Variants in CCDC61 observed in about 807,000 individuals in gnomAD.
CCDC61 encodes the protein coiled-coil domain containing 61.
In CCDC61, 55 loss-of-function variants were observed where a neutral mutation model predicts 63.0. That is an observed-to-expected ratio of 0.87 (90% CI 0.70 to 1.09). The LOEUF is 1.09. CCDC61 is among the 50% of genes least tolerant of loss of function. The pLI, the probability that CCDC61 is intolerant of heterozygous loss-of-function variation, is 0.00. For missense variants in CCDC61, 651 were observed against 731.4 expected (o/e 0.89, Z 1.27); for synonymous variants, 270 against 317.0 (o/e 0.85, Z 1.58).
At chr19:46,017,372 G>T in intron 12 of CCDC61, 68 bp downstream of exon 12, 1 of 1,448,874 alleles carries the variant, frequency 6.9e-7, no homozygotes. Flanking sequence ...TCCTTCCTGG[G>T]GATCAGGTGC....
chr19:46,007,688 A>C (rs962358091), intron 4 of CCDC61, among the ~76,000 whole-genome samples: 3 of 152,158 alleles, frequency 2.0e-5, no homozygotes, highest in Non-Finnish European at 4.4e-5. Flanking sequence ...TGGATTTCTT[A>C]GTGGAAAGTT....
intron 5 of CCDC61, 72 bp from the exon 6 acceptor site, chr19:46,014,977 G>A: frequency 3.1e-6 from 4 of 1,296,578 alleles, no homozygotes; most frequent in South Asian, 1.3e-5. Context: ...ATGATGAGGC[G>A]TCCCACCCCC....
intron 4 of CCDC61, among the ~76,000 whole-genome samples, chr19:46,007,206 G>A (rs553366033): frequency 1.2e-3 from 177 of 152,040 alleles, no homozygotes; most frequent in African/African-American, 4.0e-3. Flanking sequence ...CCACAACCAC[G>A]CCTGGCTAAT....
rs2146485239 is a variant in CCDC61, at chr19:46,015,268, CG to C, written c.762+14del. ...GCCGTCTGGCCAAGGAGGTGAGCAGCGGGGGCCCGGGGCGGCCAGCGAGGCG... is the reference window on the plus strand; with the variant it reads ...GCCGTCTGGCCAAGGAGGTGAGCAGCGGGGCCCGGGGCGGCCAGCGAGGCG... On this transcript the variant is annotated intron_variant, in intron 6 of 13. Transcript: ENST00000595358. This position sits in a 1 kb window ranked among gnomAD's most constrained non-coding sequence, Gnocchi z 5.3. 6.6e-7 allele frequency: 1 copy of C among 1,510,902 alleles called. No individual in the cohort carries two copies. The highest frequency in any genetic ancestry group is 2.5e-5 in the East Asian group (1 of 40,346). The allele number at this position is 1,510,902 out of a possible 1,614,324, so 93.6% of individuals were successfully genotyped here.
At position 46,015,197 on chromosome 19, in the gene CCDC61, C is replaced by T; in HGVS notation, c.700C>T (p.Arg234Cys). 7.8e-7 allele frequency: 1 copy of T among 1,282,196 alleles called. No individual in the cohort carries two copies. Among genetic ancestry groups the T allele is most frequent in the Non-Finnish European group, 9.8e-7 (1 of 1,018,916 alleles). 79.4% of individuals were successfully genotyped at this position (1,282,196 alleles called of 1,614,324 possible). ...GCTGGAGCTGGAGCTGCGGCAGGAGCGCGGCCTCGGGCACAGGGTGGCCGG... is the reference window on the plus strand; with the variant it reads ...GCTGGAGCTGGAGCTGCGGCAGGAGTGCGGCCTCGGGCACAGGGTGGCCGG... ...RGLELELRQE[R>C]GLGHRVAGRR... is the part of the protein sequence containing the mutation. The change falls in exon 6 of 14, where the codon CGC becomes TGC. Residue 234 changes from arginine to cysteine, a missense_variant. By Grantham distance (180) the Arg-to-Cys change is radical. Coordinates refer to ENST00000595358, the MANE Select transcript of CCDC61 (RefSeq NM_001267723.2). The surrounding 1 kb of genome is among the most constrained non-coding windows in gnomAD (Gnocchi z 5.3).
rs761965873 is a variant in CCDC61 at position 46,009,816 on chromosome 19, ATGTG to A, written c.551+1534_551+1537del. Among the ~76,000 whole-genome samples the A allele has an allele frequency of 1.6e-4, 18 of 113,300 alleles. No homozygotes were observed. The South Asian group carries it at 2.2e-3, about 14-fold the overall frequency. 74.3% of individuals were successfully genotyped at this position (113,300 alleles called of 152,430 possible). On this transcript the variant is annotated intron_variant, in intron 5 of 13. Transcript: ENST00000595358. ...CTGCTCTCAGGCTGTGTGTGTGTGT[ATGTG>A]TGTGTGTGTGTGTGTGTGCGCGCGC...
At position 46,015,983 on chromosome 19, in the gene CCDC61, G is replaced by A. The variant is rs1968924243; in HGVS notation, c.846-71G>A. ...GGCCTGAGGGTTCGGAGAAGGTGCG[G>A]TCGGGGAGGAGTCTCGCGATTGAGT... On this transcript the variant is annotated intron_variant, in intron 7 of 13. Coordinates refer to ENST00000595358, the MANE Select transcript of CCDC61 (RefSeq NM_001267723.2). The surrounding 1 kb of genome is among the most constrained non-coding windows in gnomAD (Gnocchi z 5.3). 3 of 1,210,670 alleles carry A rather than the reference G, an allele frequency of 2.5e-6. No individual in the cohort carries two copies. Among genetic ancestry groups the A allele is most frequent in the African/African-American group, 1.6e-5 (1 of 63,666 alleles). The allele number at this position is 1,210,670 out of a possible 1,614,324, so 75.0% of individuals were successfully genotyped here. A position where few individuals can be genotyped will look rare whatever the true frequency, so the allele number is the denominator to read the frequency against.
At chr19:46,013,150 C>G (rs1968860943) in intron 5 of CCDC61, among the ~76,000 whole-genome samples, 1 of 152,170 alleles carries the variant, frequency 6.6e-6, no homozygotes, top group African/African-American at 2.4e-5. Context: ...TCCTGAGTAG[C>G]TGGGATTACA....
At chr19:46,009,683 T>C (rs1309995117) in intron 5 of CCDC61, among the ~76,000 whole-genome samples, 1 of 152,166 alleles carries the variant, frequency 6.6e-6, no homozygotes, top group African/African-American at 2.4e-5. Flanking sequence ...CCAGTCCTTA[T>C]GGGAGCTCAT....
At chr19:46,013,495 C>T (rs1968867126) in intron 5 of CCDC61, among the ~76,000 whole-genome samples, 1 of 152,094 alleles carries the variant, frequency 6.6e-6, no homozygotes, top group East Asian at 1.9e-4. Flanking sequence ...ATCTTAGTTT[C>T]TAGGGATAAT....
rs773301901 is a variant in CCDC61, at chr19:46,003,074, C to A, written c.56C>A (p.Ala19Asp). ...VDYVFRGVEH[A>D]VRVMVSGQVL... The stretch of plus-strand genomic sequence containing the variant: ...TACGTCTTCCGGGGTGTGGAGCATG[C>A]CGTGCGGGTGATGGTTTCTGGGCAG... The change falls in exon 2 of 14, where the codon GCC becomes GAC. Residue 19 changes from alanine (A) to aspartate (D), a missense_variant. Coordinates refer to ENST00000595358, the MANE Select transcript of CCDC61 (RefSeq NM_001267723.2). 8 of 1,606,206 alleles carry A rather than the reference C, an allele frequency of 5.0e-6. No individual in the cohort carries two copies. In the East Asian group the frequency reaches 1.3e-4, roughly 27 times the overall value.
Position 46,016,397 on chromosome 19 carries a change from A to G in CCDC61, c.1091+4A>G. 2 of 1,613,608 alleles carry G rather than the reference A, an allele frequency of 1.2e-6. No homozygotes were observed. Among genetic ancestry groups the G allele is most frequent in the Non-Finnish European group, 8.5e-7 (1 of 1,179,820 alleles). Reference sequence around the variant, plus strand: ...AGCAGAGAGAGATCCAGATGAAGTCAGTGCCCCTTCCTCCCTCACCTGCCC... The same window carrying G: ...AGCAGAGAGAGATCCAGATGAAGTCGGTGCCCCTTCCTCCCTCACCTGCCC... On this transcript the variant is annotated splice_donor_region_variant and intron_variant, in intron 9 of 13. Coordinates refer to ENST00000595358, the MANE Select transcript of CCDC61 (RefSeq NM_001267723.2). The surrounding 1 kb of genome is among the most constrained non-coding windows in gnomAD (Gnocchi z 7.2).
Position 46,015,337 on chromosome 19 carries a change from C to A in CCDC61, c.763-8C>A. On this transcript the variant is annotated splice_polypyrimidine_tract_variant and splice_region_variant and intron_variant, in intron 6 of 13. Coordinates refer to ENST00000595358, the MANE Select transcript of CCDC61 (RefSeq NM_001267723.2). The surrounding 1 kb of genome is among the most constrained non-coding windows in gnomAD (Gnocchi z 5.3). The stretch of plus-strand genomic sequence containing the variant: ...CTGGACCTCCGCGCCCCTCTCCCCT[C>A]CCGGCAGCTCGAGGAGGCGAAGGCA... The A allele has an allele frequency of 6.3e-7, 1 of 1,599,004 alleles. No homozygotes were observed. Among genetic ancestry groups the A allele is most frequent in the East Asian group, 2.2e-5 (1 of 44,678 alleles).
At chr19:46,001,402 T>G (rs1175656442) in intron 1 of CCDC61, among the ~76,000 whole-genome samples, 2 of 152,210 alleles carry the variant, frequency 1.3e-5, no homozygotes, top group East Asian at 3.9e-4. Flanking sequence ...AATTTTTGTA[T>G]TTTTAGTAGA....
Position 46,016,618 on chromosome 19 carries a change from A to T in CCDC61, c.1092-76A>T. ...TCAGGCTTTCGCTGGCGTGGCTGTG[A>T]CCTTTAGGGGCGCAGTGACCCCCTT... On this transcript the variant is annotated intron_variant, in intron 9 of 13. Transcript: ENST00000595358. This position sits in a 1 kb window ranked among gnomAD's most constrained non-coding sequence, Gnocchi z 7.2. 6.3e-7 allele frequency: 1 copy of T among 1,577,244 alleles called. No homozygotes were observed. The highest frequency in any genetic ancestry group is 8.6e-7 in the Non-Finnish European group (1 of 1,161,538).
At position 46,008,271 on chromosome 19, in the gene CCDC61, G is replaced by A. The variant is rs200622643; in HGVS notation, c.521G>A (p.Arg174Gln). Residue 174 changes from arginine to glutamine, a missense_variant, in exon 5 of 14, where the codon CGG (arginine) becomes CAG (glutamine). Arg to Gln is a conservative substitution (Grantham distance 43). Transcript: ENST00000595358. ...GATGGCCAGAACACTCGGGACACCC[G>A]GGAGAATGAGATCTGGCATCTGCGG... ...GLDGQNTRDT[R>Q]ENEIWHLREQ... 2.7e-4 allele frequency: 437 copies of A among 1,612,284 alleles called. No individual in the cohort carries two copies. Among genetic ancestry groups the A allele is most frequent in the Non-Finnish European group, 3.6e-4 (424 of 1,179,346 alleles).
chr19:46,016,058 C>A lies in CCDC61; in HGVS notation c.850C>A (p.Arg284=). 8.1e-7 allele frequency: 1 copy of A among 1,235,284 alleles called. No homozygotes were observed. The highest frequency in any genetic ancestry group is 1.0e-6 in the Non-Finnish European group (1 of 990,888). 76.5% of individuals were successfully genotyped at this position (1,235,284 alleles called of 1,614,324 possible). Residue 284 remains arginine (R), a synonymous_variant, in exon 8 of 14, where the codon CGG becomes AGG. Coordinates refer to ENST00000595358, the MANE Select transcript of CCDC61 (RefSeq NM_001267723.2). The surrounding 1 kb of genome is among the most constrained non-coding windows in gnomAD (Gnocchi z 7.2). The part of the protein sequence containing the change: ...SELALYKRGR[R]TPPVQPPPTR... Reference sequence around the variant, plus strand: ...CAGCTGCCTCTGTGGTCTCAGGAGGCGGACTCCGCCGGTGCAGCCGCCCCC... The same window carrying A: ...CAGCTGCCTCTGTGGTCTCAGGAGGAGGACTCCGCCGGTGCAGCCGCCCCC...
chr19:46,003,507 GC>G lies in CCDC61; in HGVS notation c.231+9del. ...TGGAGTCAGCCCTCACTCAGGTAGG[GC>G]CCGGGTTGGCGGGTTGGGGTGGGAG... On this transcript the variant is annotated splice_region_variant and intron_variant, in intron 3 of 13. Transcript: ENST00000595358. The G allele has an allele frequency of 6.8e-7, 1 of 1,469,026 alleles. No homozygotes were observed. Among genetic ancestry groups the G allele is most frequent in the Non-Finnish European group, 9.3e-7 (1 of 1,079,196 alleles). The allele number at this position is 1,469,026 out of a possible 1,614,324, so 91.0% of individuals were successfully genotyped here. A position where few individuals can be genotyped will look rare whatever the true frequency, so the allele number is the denominator to read the frequency against.
rs770011386 is a variant in CCDC61, at chr19:46,008,186, G to A, written c.436G>A (p.Val146Met). The change falls in exon 5 of 14, where the codon GTG becomes ATG. Residue 146 changes from valine to methionine, a missense_variant. Physicochemically the swap from Val to Met is conservative, Grantham distance 21. Coordinates refer to ENST00000595358, the MANE Select transcript of CCDC61 (RefSeq NM_001267723.2). ...PLPYQGKPDPVVLQGIIRSLK... is the reference protein window; with the variant it reads ...PLPYQGKPDPMVLQGIIRSLK... The stretch of plus-strand genomic sequence containing the variant: ...CCCGTACCAGGGCAAGCCAGACCCC[G>A]TGGTTCTGCAGGGCATCATCCGGTC... 6.5e-5 allele frequency: 105 copies of A among 1,612,824 alleles called. No homozygotes were observed. Among genetic ancestry groups the A allele is most frequent in the Non-Finnish European group, 8.3e-5 (98 of 1,179,552 alleles).
Sources: gnomAD v4.1 joint callset for allele counts (sites outside exome capture counted in the v4.1 genomes callset) on GRCh38, gnomAD v4.1.1 for gene constraint, Gnocchi (gnomAD v3.1) non-coding constraint, MANE v1.5 for transcripts, NCBI Gene and HGNC (gene_info 2026-07-23, HGNC 2026-07-21) for gene names.